Variants in ASAP1 observed in about 807,000 individuals in gnomAD.
The protein encoded by ASAP1 is arf-GAP with SH3 domain, ANK repeat and PH domain-containing protein 1.
In ASAP1, 43 loss-of-function variants were observed where a neutral mutation model predicts 145.2. The ratio of observed to expected loss-of-function variants is 0.30; its 90% CI spans 0.23 to 0.38. The LOEUF is 0.38. Among genes scored for constraint, ASAP1 ranks in the 10% least tolerant of loss-of-function variants. ASAP1 has a pLI of 1.00. For synonymous variants in ASAP1, 546 were observed against 515.5 expected (o/e 1.06, Z -0.80); for missense variants, 1,018 against 1,355.3 (o/e 0.75, Z 3.91).
intron 26 of ASAP1, among the ~76,000 whole-genome samples, chr8:130,077,567 G>C (rs1317993698): frequency 2.3e-4 from 18 of 79,044 alleles, no homozygotes; most frequent in African/African-American, 8.6e-4. Flanking sequence ...TTTTTTTTGA[G>C]ACACAGTCTT....
chr8:130,114,557 C>T (rs55724400), intron 23 of ASAP1, among the ~76,000 whole-genome samples: 2,499 of 152,172 alleles, frequency 0.016, 72 homozygotes, highest in African/African-American at 0.057. Context: ...ATACCAGCAT[C>T]CCACAACCAT....
At chr8:130,174,801 C>CCCATATGTAACATGTAT (rs1330761424) in intron 9 of ASAP1, among the ~76,000 whole-genome samples, 10 of 152,206 alleles carry the variant, frequency 6.6e-5, no homozygotes, top group Non-Finnish European at 1.5e-4. Context: ...TAAATGTTCA[C>CCCATATGTAACATGTAT]CCATATGTAA....
chr8:130,094,540 G>A (rs768596912), intron 24 of ASAP1, among the ~76,000 whole-genome samples: 2 of 152,018 alleles, frequency 1.3e-5, no homozygotes, highest in Non-Finnish European at 2.9e-5. Context: ...TTATGGATAC[G>A]AATAGTTGTA....
intron 29 of ASAP1, among the ~76,000 whole-genome samples, chr8:130,056,464 G>C (rs544073989): frequency 6.6e-6 from 1 of 152,150 alleles, no homozygotes; most frequent in Non-Finnish European, 1.5e-5. Context: ...GGCATCCCTG[G>C]CCACTAAACT....
intron 1 of ASAP1, among the ~76,000 whole-genome samples, chr8:130,433,804 T>C (rs73713907): frequency 0.3 from 45,533 of 152,190 alleles, 7,040 homozygotes; most frequent in Middle Eastern, 0.36. Context: ...TCCTTATATA[T>C]TGCTTTATTT....
rs565972165 is a variant in ASAP1, at chr8:130,432,667, T to C, written c.-28+10793A>G. Among the ~76,000 whole-genome samples the C allele has an allele frequency of 6.3e-4, 96 of 152,202 alleles. 1 individual carries two copies. Among genetic ancestry groups the C allele is most frequent in the Non-Finnish European group, 1.1e-3 (75 of 68,032 alleles). ...GCTAGGCTCCCTCATGGTCCCAAGATGGCTGCCACGGTTCCAGGTATCACA... is the reference window on the plus strand; with the variant it reads ...GCTAGGCTCCCTCATGGTCCCAAGACGGCTGCCACGGTTCCAGGTATCACA... On this transcript the variant is annotated intron_variant, in intron 1 of 29. Coordinates refer to ENST00000518721, the MANE Select transcript of ASAP1 (RefSeq NM_018482.4).
At chr8:130,276,203 C>T (rs62525925) in intron 3 of ASAP1, among the ~76,000 whole-genome samples, 3 of 152,166 alleles carry the variant, frequency 2.0e-5, no homozygotes, top group South Asian at 2.1e-4. Flanking sequence ...CCTAGAGCTT[C>T]GTTCCTCATT....
At chr8:130,121,782 C>T (rs1329506071) in intron 18 of ASAP1, among the ~76,000 whole-genome samples, 2 of 31,872 alleles carry the variant, frequency 6.3e-5, no homozygotes, top group Admixed American at 5.2e-4. Flanking sequence ...GAAATTCCAT[C>T]TCAAAAAAAA....
intron 3 of ASAP1, among the ~76,000 whole-genome samples, chr8:130,344,193 G>A (rs1825562133): frequency 1.3e-5 from 2 of 152,052 alleles, no homozygotes. Context: ...AAAAGAGGGA[G>A]GAATCCACAG....
At chr8:130,275,400 C>T (rs1162044793) in intron 3 of ASAP1, among the ~76,000 whole-genome samples, 4 of 152,228 alleles carry the variant, frequency 2.6e-5, no homozygotes, top group Admixed American at 1.3e-4. Flanking sequence ...GCAGCACTTA[C>T]GTACTTTCAG....
chr8:130,183,688 A>C (rs970797052), intron 7 of ASAP1, among the ~76,000 whole-genome samples: 1 of 152,178 alleles, frequency 6.6e-6, no homozygotes, highest in African/African-American at 2.4e-5. Flanking sequence ...CTTTTATAAA[A>C]ATGATTTATA....
At chr8:130,402,919 G>GTT (rs1565286655) in intron 1 of ASAP1, among the ~76,000 whole-genome samples, 2 of 148,256 alleles carry the variant, frequency 1.3e-5, no homozygotes, top group Admixed American at 6.7e-5. Context: ...TCTTTTGTGG[G>GTT]GTTTTTTTTT....
intron 11 of ASAP1, among the ~76,000 whole-genome samples, chr8:130,166,989 C>T (rs7464885): frequency 0.38 from 58,396 of 152,002 alleles, 11,625 homozygotes; most frequent in East Asian, 0.64. Context: ...AGTGCATGTC[C>T]TCAAAACTAG....
intron 13 of ASAP1, among the ~76,000 whole-genome samples, chr8:130,148,291 C>T (rs1325231861): frequency 6.6e-6 from 1 of 152,198 alleles, no homozygotes; most frequent in Non-Finnish European, 1.5e-5. Context: ...CAGCTATTTA[C>T]AAACTTCATG....
At chr8:130,299,581 G>A (rs1822497874) in intron 3 of ASAP1, among the ~76,000 whole-genome samples, 1 of 152,180 alleles carries the variant, frequency 6.6e-6, no homozygotes, top group Non-Finnish European at 1.5e-5. Context: ...ATACTATTGA[G>A]ATGGATTCTG....
intron 3 of ASAP1, 40 bp from the exon 4 acceptor site, chr8:130,237,034 G>T: frequency 7.0e-7 from 1 of 1,434,700 alleles, no homozygotes; most frequent in Non-Finnish European, 9.5e-7. Flanking sequence ...TAGAAGATTT[G>T]GTAAATTAAA....
chr8:130,171,235 T>C (rs1284319166), intron 9 of ASAP1, among the ~76,000 whole-genome samples: 1 of 152,200 alleles, frequency 6.6e-6, no homozygotes, highest in East Asian at 1.9e-4. Context: ...AGCCTTTGCA[T>C]ATGCTATTCC....
At chr8:130,279,142 A>G (rs376634452) in intron 3 of ASAP1, among the ~76,000 whole-genome samples, 2 of 152,146 alleles carry the variant, frequency 1.3e-5, no homozygotes, top group African/African-American at 4.8e-5. Flanking sequence ...TTGATTCACA[A>G]TGAGACAGAG....
chr8:130,436,206 A>G (rs1176054366), intron 1 of ASAP1, among the ~76,000 whole-genome samples: 1 of 152,238 alleles, frequency 6.6e-6, no homozygotes, highest in East Asian at 1.9e-4. Context: ...AGAATTTCTA[A>G]AAGTAAAATG....
Sources: gnomAD v4.1 joint callset for allele counts (sites outside exome capture counted in the v4.1 genomes callset) on GRCh38, gnomAD v4.1.1 for gene constraint, MANE v1.5 for transcripts, NCBI Gene and HGNC (gene_info 2026-07-23, HGNC 2026-07-21) for gene names.